DAB1: variants seen among roughly 807,000 people sequenced by gnomAD.
The protein encoded by DAB1 is DAB adaptor protein 1.
Under a neutral mutation model 64.6 loss-of-function variants are expected in DAB1, and 15 were observed. The observed-to-expected ratio is 0.23, with a 90% CI of 0.16 to 0.36. DAB1 has a LOEUF of 0.36. Ranked by LOEUF, DAB1 falls within the 10% of genes least tolerant of loss-of-function variation. DAB1 has a pLI of 1.00. For synonymous variants in DAB1, 235 were observed against 251.9 expected, an observed-to-expected ratio of 0.93 and a Z score of 0.64; for missense variants, 596 against 706.7, an observed-to-expected ratio of 0.84 and a Z score of 1.78.
intron 10 of DAB1, 110 bp downstream of exon 10, chr1:57,025,870 CT>C: frequency 1.2e-6 from 1 of 827,666 alleles, no homozygotes; most frequent in Non-Finnish European, 1.9e-6. Flanking sequence ...AGAGTCAACA[CT>C]GAAATCCACC....
At chr1:57,619,100 T>C (rs528831379) in intron 7 of DAB1, among the ~76,000 whole-genome samples, 43 of 152,188 alleles carry the variant, frequency 2.8e-4, no homozygotes, top group South Asian at 2.1e-4. Flanking sequence ...AAGAAAACAA[T>C]GGATTCAATG....
At chr1:57,203,810 T>G (rs1307279143) in intron 2 of DAB1, among the ~76,000 whole-genome samples, 1 of 152,332 alleles carries the variant, frequency 6.6e-6, no homozygotes, top group East Asian at 1.9e-4. Flanking sequence ...CTGTACCGGT[T>G]CCGGACAACT....
At chr1:57,312,112 C>T (rs995184096) in intron 1 of DAB1, among the ~76,000 whole-genome samples, 1 of 152,216 alleles carries the variant, frequency 6.6e-6, no homozygotes, top group Admixed American at 6.5e-5. Flanking sequence ...AAGATTTACA[C>T]ATTTTTATGC....
intron 6 of DAB1, among the ~76,000 whole-genome samples, chr1:57,753,782 T>C (rs1648664481): frequency 6.6e-6 from 1 of 152,162 alleles, no homozygotes; most frequent in South Asian, 2.1e-4. Flanking sequence ...TGCAGTGAAG[T>C]TCTGGGACAT....
intron 5 of DAB1, among the ~76,000 whole-genome samples, chr1:58,086,688 AC>A (rs1161485190): frequency 6.6e-6 from 1 of 151,878 alleles, no homozygotes; most frequent in African/African-American, 2.4e-5. Flanking sequence ...GTTCTCACAT[AC>A]CAGGGAATGG....
rs1244163163 is a variant in DAB1 at position 57,567,648 on chromosome 1, G to T, written n.625+81944C>A. Among the ~76,000 whole-genome samples, 4 of 152,238 alleles carry T rather than the reference G, an allele frequency of 2.6e-5. No individual in the cohort carries two copies. In the East Asian group the frequency reaches 7.7e-4, roughly 29 times the overall value. On this transcript the variant is annotated intron_variant and non_coding_transcript_variant, in intron 7 of 20. Transcript: ENST00000485760. ...TACACCAATAACAGACAAACAGAGA[G>T]CCAAATCATGAGTGAACTCCCATTC...
At chr1:58,452,587 A>C (rs1645149794) in intron 3 of DAB1, among the ~76,000 whole-genome samples, 1 of 151,062 alleles carries the variant, frequency 6.6e-6, no homozygotes, top group African/African-American at 2.4e-5. Context: ...AGGCAGGCGG[A>C]TCACCTGAGG....
At chr1:58,426,244 C>T (rs1186911143) in intron 3 of DAB1, among the ~76,000 whole-genome samples, 2 of 152,062 alleles carry the variant, frequency 1.3e-5, no homozygotes, top group African/African-American at 4.8e-5. Flanking sequence ...GATCTCATGC[C>T]CAGGGCTCTG....
At chr1:57,464,456 A>G (rs1017982181) in intron 7 of DAB1, among the ~76,000 whole-genome samples, 1 of 152,062 alleles carries the variant, frequency 6.6e-6, no homozygotes, top group Admixed American at 6.6e-5. Flanking sequence ...TGTACTTCAC[A>G]ATCTTGGTTT....
intron 1 of DAB1, among the ~76,000 whole-genome samples, chr1:57,322,777 G>A (rs1186136644): frequency 6.6e-6 from 1 of 152,106 alleles, no homozygotes; most frequent in East Asian, 1.9e-4. Flanking sequence ...TGATGACAGG[G>A]GACAGCACTT....
chr1:57,588,994 G>A (rs1280095788), intron 7 of DAB1, among the ~76,000 whole-genome samples: 12 of 152,298 alleles, frequency 7.9e-5, no homozygotes, highest in Admixed American at 3.3e-4. Flanking sequence ...CCAGCACTTC[G>A]GGAGGCCGAG....
chr1:58,317,593 C>T (rs1217758659), intron 4 of DAB1, among the ~76,000 whole-genome samples: 1 of 152,188 alleles, frequency 6.6e-6, no homozygotes, highest in Non-Finnish European at 1.5e-5. Flanking sequence ...AGCAAGGAAC[C>T]AAGGACCACA....
chr1:57,996,836 C>A (rs1276696806), intron 5 of DAB1, among the ~76,000 whole-genome samples: 1 of 152,090 alleles, frequency 6.6e-6, no homozygotes, highest in Non-Finnish European at 1.5e-5. Context: ...AGAATTTTCT[C>A]TTCCTTAGTG....
chr1:57,752,167 G>C (rs1034172418), intron 6 of DAB1, among the ~76,000 whole-genome samples: 13 of 152,124 alleles, frequency 8.5e-5, no homozygotes, highest in Middle Eastern at 3.2e-3. Flanking sequence ...TATAATTTCT[G>C]GTAAACACTG....
chr1:58,170,528 G>C (rs1055672842), intron 4 of DAB1, among the ~76,000 whole-genome samples: 1 of 152,098 alleles, frequency 6.6e-6, no homozygotes, highest in Non-Finnish European at 1.5e-5. Context: ...TTATAATAGG[G>C]ACCAAGAGGA....
chr1:57,962,022 G>T (rs982517809), intron 5 of DAB1, among the ~76,000 whole-genome samples: 1 of 151,982 alleles, frequency 6.6e-6, no homozygotes, highest in Non-Finnish European at 1.5e-5. Flanking sequence ...ACTGAACTTG[G>T]AGTTAAATTA....
At chr1:57,138,789 T>C (rs917536066) in intron 3 of DAB1, among the ~76,000 whole-genome samples, 6 of 152,186 alleles carry the variant, frequency 3.9e-5, no homozygotes, top group African/African-American at 1.4e-4. Flanking sequence ...CCAAATTGCA[T>C]CTCCTTTGTT....
intron 4 of DAB1, among the ~76,000 whole-genome samples, chr1:58,193,708 T>C (rs1275742340): frequency 6.6e-6 from 1 of 151,892 alleles, no homozygotes; most frequent in African/African-American, 2.4e-5. Context: ...ATACAAAAAT[T>C]AGCCAGGCAT....
Position 57,269,731 on chromosome 1 carries a change from T to C in DAB1, c.67+21233A>G, listed in dbSNP as rs1158392915. 4.6e-5 allele frequency among the ~76,000 whole-genome samples: 7 copies of C among 152,132 alleles called. No homozygotes were observed. In the East Asian group the frequency reaches 1.3e-3, roughly 29 times the overall value. Reference sequence around the variant, plus strand: ...TAACTCTTTTTCTCCCGAGAATATTTTCCAGACACCAGGGAGATGAGGAGG... The same window carrying C: ...TAACTCTTTTTCTCCCGAGAATATTCTCCAGACACCAGGGAGATGAGGAGG... On this transcript the variant is annotated intron_variant, in intron 2 of 14. Coordinates refer to ENST00000371236, the MANE Select transcript of DAB1 (RefSeq NM_001365792.1).
Sources: gnomAD v4.1 joint callset for allele counts (sites outside exome capture counted in the v4.1 genomes callset) on GRCh38, gnomAD v4.1.1 for gene constraint, MANE v1.5 for transcripts, NCBI Gene and HGNC (gene_info 2026-07-23, HGNC 2026-07-21) for gene names.